OC90: variants seen among roughly 807,000 people sequenced by gnomAD.
The protein encoded by OC90 is otoconin-90.
OC90 carries 46 observed loss-of-function variants against 47.3 expected under a neutral mutation model. That is an observed-to-expected ratio of 0.97 (90% confidence interval 0.77 to 1.24). The LOEUF is 1.24. Among genes scored for constraint, OC90 ranks in the 50% most tolerant of loss-of-function variants. The pLI, the probability that OC90 is intolerant of heterozygous loss-of-function variation, is 0.00. For missense variants in OC90, 688 were observed against 583.9 expected (o/e 1.18, Z -1.84); for synonymous variants, 271 against 219.5 (o/e 1.23, Z -2.07).
intron 6 of OC90, among the ~76,000 whole-genome samples, chr8:132,039,880 G>A (rs1322917000): frequency 1.3e-5 from 2 of 151,920 alleles, no homozygotes; most frequent in African/African-American, 4.8e-5. Flanking sequence ...CCCATTTAAA[G>A]AGAACCCCCC....
chr8:132,028,526 A>AAAAGAAAGAAAAGAAAGAAAG (rs1822797167), intron 13 of OC90, among the ~76,000 whole-genome samples: 1 of 87,564 alleles, frequency 1.1e-5, no homozygotes, highest in African/African-American at 5.1e-5. Context: ...AGAAAGAAAG[A>AAAAGAAAGAAAAGAAAGAAAG]AAAGAAAGAA....
Position 132,050,578 on chromosome 8 carries a change from A to G in OC90, c.46+4403T>C, listed in dbSNP as rs372031097. Among the ~76,000 whole-genome samples, 222 of 152,274 alleles carry G rather than the reference A, an allele frequency of 1.5e-3. 8 individuals are homozygous for G. The South Asian group carries it at 0.044, about 30-fold the overall frequency. ...ACCAGGTTAGAGGCTTCACTTTCCT[A>G]CATGCCGGCTGTGAGACTTCGGGCA... On this transcript the variant is annotated intron_variant, in intron 2 of 13. Transcript: ENST00000254627.
Position 132,044,653 on chromosome 8 carries a change from C to G in OC90, c.113-164G>C, listed in dbSNP as rs1823106049. Among the ~76,000 whole-genome samples the G allele has an allele frequency of 2.6e-5, 4 of 152,106 alleles. No individual in the cohort carries two copies. The South Asian group carries it at 8.3e-4, about 31-fold the overall frequency. On this transcript the variant is annotated intron_variant, in intron 3 of 13. Transcript: ENST00000254627. ...CTACTAACACAGGTTACCATGGAAA[C>G]CTGATAGAGATGAAATGTGAATTCC... is the stretch of plus-strand genomic sequence containing the variant.
Position 132,029,268 on chromosome 8 carries a change from A to T in OC90, c.1032-89T>A, listed in dbSNP as rs970625312. ...ACAGCCTGCTTCTCCCACATACCCT[A>T]TAGTAGTGAGGGAAGCCAGTGCCTC... On this transcript the variant is annotated intron_variant, in intron 12 of 13. Transcript: ENST00000254627. 17 of 1,005,108 alleles carry T rather than the reference A, an allele frequency of 1.7e-5. No homozygotes were observed. The Admixed American group carries it at 2.5e-4, about 15-fold the overall frequency. 62.3% of individuals were successfully genotyped at this position (1,005,108 alleles called of 1,614,324 possible).
chr8:132,029,219 G>C, intron 12 of OC90, 40 bp from the exon 13 acceptor site: 5 of 1,506,868 alleles, frequency 3.3e-6, no homozygotes, highest in Non-Finnish European at 4.6e-6. Context: ...AGAGCTCCTG[G>C]CTTCCCTAGG....
At chr8:132,045,717 A>C (rs954730169) in intron 3 of OC90, 101 bp downstream of exon 3, 23 of 681,816 alleles carry the variant, frequency 3.4e-5, no homozygotes, top group Non-Finnish European at 5.5e-5. Context: ...ATGCCACAGC[A>C]GTGAGTGGCT....
At chr8:132,037,242 C>A (rs1822981720) in intron 9 of OC90, among the ~76,000 whole-genome samples, 196 bp downstream of exon 9, 1 of 152,180 alleles carries the variant, frequency 6.6e-6, no homozygotes. Flanking sequence ...AATGTAATCC[C>A]CAGTGTTGGA....
At chr8:132,043,175 T>C (rs1260168455) in intron 4 of OC90, among the ~76,000 whole-genome samples, 2 of 152,234 alleles carry the variant, frequency 1.3e-5, no homozygotes, top group African/African-American at 4.8e-5. Context: ...TATTCACAAC[T>C]TTTGAGCATC....
At chr8:132,036,978 C>G (rs1010185606) in intron 9 of OC90, among the ~76,000 whole-genome samples, 5 of 152,200 alleles carry the variant, frequency 3.3e-5, no homozygotes, top group Admixed American at 2.6e-4. Flanking sequence ...TCATTTAATC[C>G]TTATGCCACT....
chr8:132,030,843 A>G (rs974665071), intron 12 of OC90, among the ~76,000 whole-genome samples: 10 of 152,224 alleles, frequency 6.6e-5, no homozygotes, highest in Non-Finnish European at 1.2e-4. Flanking sequence ...TGGATGGGTA[A>G]AAAACACAGC....
intron 4 of OC90, among the ~76,000 whole-genome samples, chr8:132,043,930 G>C (rs550565850): frequency 1.3e-5 from 2 of 152,276 alleles, no homozygotes; most frequent in South Asian, 4.1e-4. Flanking sequence ...ACTTCTAGTA[G>C]TTGATGATAG....
At position 132,024,537 on chromosome 8, in the gene OC90, T is replaced by A. The variant is rs1178863283; in HGVS notation, c.1378A>T (p.Arg460Trp). ...PPQEDLGRAK[R>W]FLRKSLGPLG... ...GGACCCAGTGACTTCCGCAGAAACCTCTTGGCTCTGCCGAGGTCCTCCTGT... is the reference window on the plus strand; with the variant it reads ...GGACCCAGTGACTTCCGCAGAAACCACTTGGCTCTGCCGAGGTCCTCCTGT... The change falls in exon 14 of 14, where the codon AGG becomes TGG. Residue 460 changes from arginine (R) to tryptophan (W), a missense_variant. Arg to Trp is a moderately radical substitution (Grantham distance 101). Transcript: ENST00000254627. 6.2e-7 allele frequency: 1 copy of A among 1,605,506 alleles called. No homozygotes were observed. Among genetic ancestry groups the A allele is most frequent in the South Asian group, 1.1e-5 (1 of 90,586 alleles).
intron 2 of OC90, among the ~76,000 whole-genome samples, chr8:132,046,819 C>T (rs537558984): frequency 6.6e-6 from 1 of 152,324 alleles, no homozygotes; most frequent in East Asian, 1.9e-4. Flanking sequence ...CTGAAAGTCA[C>T]AAAGGGCCAT....
At chr8:132,037,096 T>G (rs772233353) in intron 9 of OC90, among the ~76,000 whole-genome samples, 5 of 152,252 alleles carry the variant, frequency 3.3e-5, no homozygotes, top group Non-Finnish European at 7.3e-5. Flanking sequence ...CTTGCATTAA[T>G]TTAGGGGTTG....
At position 132,041,531 on chromosome 8, in the gene OC90, G is replaced by A; in HGVS notation, c.338C>T (p.Ser113Phe). The A allele has an allele frequency of 6.2e-7, 1 of 1,610,662 alleles. No individual in the cohort carries two copies. The highest frequency in any genetic ancestry group is 1.3e-5 in the African/African-American group (1 of 74,784). The change falls in exon 5 of 14, where the codon TCT (serine) becomes TTT (phenylalanine). Residue 113 changes from serine (S) to phenylalanine (F), a missense_variant. Transcript: ENST00000254627. Reference protein sequence around the residue: ...FEMEGLPVDESDSCCFQHRRC... With the variant: ...FEMEGLPVDEFDSCCFQHRRC... ...ACCTGTGGAACTCACTTACCTGTCAGATTCATCCACAGGCAACCCTTCCAT... is the reference window on the plus strand; with the variant it reads ...ACCTGTGGAACTCACTTACCTGTCAAATTCATCCACAGGCAACCCTTCCAT...
chr8:132,033,207 C>T (rs779300782), intron 10 of OC90, 43 bp from the exon 11 acceptor site: 1 of 1,585,592 alleles, frequency 6.3e-7, no homozygotes, highest in Non-Finnish European at 8.6e-7. Flanking sequence ...AAAAGTGGCT[C>T]AAGGAGAGAT....
chr8:132,033,095 G>A lies in OC90; in HGVS notation c.803C>T (p.Ser268Phe). 6.2e-7 allele frequency: 1 copy of A among 1,610,124 alleles called. No homozygotes were observed. Among genetic ancestry groups the A allele is most frequent in the African/African-American group, 1.3e-5 (1 of 74,992 alleles). The change falls in exon 11 of 14, where the codon TCT becomes TTT. Residue 268 changes from serine (S) to phenylalanine (F), a missense_variant. Transcript: ENST00000254627. ...IVTLVPAGIKSLGLAVSSVEN... is the reference protein window; with the variant it reads ...IVTLVPAGIKFLGLAVSSVEN... ...AACAGATGACACTGCCAGCCCCAGA[G>A]ATTTAATGCCAGCAGGGACAAGGGT... is the stretch of plus-strand genomic sequence containing the variant.
chr8:132,056,843 C>A (rs903971005), intron 1 of OC90, among the ~76,000 whole-genome samples: 6 of 152,212 alleles, frequency 3.9e-5, no homozygotes, highest in Non-Finnish European at 8.8e-5. Flanking sequence ...TCACTTTCTG[C>A]CACTCAGTAT....
chr8:132,024,256 A>C lies in OC90; in HGVS notation c.*225T>G. 2.2e-6 allele frequency: 1 copy of C among 461,748 alleles called. No individual in the cohort carries two copies. The allele number at this position is 461,748 out of a possible 1,614,324, so 28.6% of individuals were successfully genotyped here. A position where few individuals can be genotyped will look rare whatever the true frequency, so the allele number is the denominator to read the frequency against. On this transcript the variant is annotated 3_prime_UTR_variant, in exon 14 of 14. Coordinates refer to ENST00000254627, the MANE Select transcript of OC90 (RefSeq NM_001080399.3). ...TTATTGAGCTTCCACAGTGCACTAAAGGAGCATGGAGGTACCATGGTGTGC... is the reference window on the plus strand; with the variant it reads ...TTATTGAGCTTCCACAGTGCACTAACGGAGCATGGAGGTACCATGGTGTGC...
Sources: gnomAD v4.1 joint callset for allele counts (sites outside exome capture counted in the v4.1 genomes callset) on GRCh38, gnomAD v4.1.1 for gene constraint, MANE v1.5 for transcripts, NCBI Gene and HGNC (gene_info 2026-07-23, HGNC 2026-07-21) for gene names.